Variants in RAB38 observed in about 807,000 individuals in gnomAD.
RAB38 encodes RAB38, member RAS oncogene family, also known as ras-related protein Rab-38.
In RAB38, 15 loss-of-function variants were observed where a neutral mutation model predicts 18.4. The observed-to-expected ratio is 0.82, with a 90% CI of 0.55 to 1.26. The LOEUF (loss-of-function observed/expected upper bound fraction) is 1.26, where lower values mean the gene tolerates loss of function less well. Among genes scored for constraint, RAB38 ranks in the 50% most tolerant of loss-of-function variants. The pLI is 0.00. For missense variants in RAB38, 294 were observed against 267.4 expected (o/e 1.10, Z -0.69); for synonymous variants, 101 against 104.4 (o/e 0.97, Z 0.20).
the RAB38 span, among the ~76,000 whole-genome samples, chr11:87,850,672 T>C: frequency 4.6e-5 from 7 of 151,408 alleles, no homozygotes; most frequent in East Asian, 9.7e-4. Flanking sequence ...CCAAGACTGA[T>C]TGAAGAATTA....
chr11:88,090,110 A>C, the RAB38 span, among the ~76,000 whole-genome samples: 1 of 151,972 alleles, frequency 6.6e-6, no homozygotes, highest in African/African-American at 2.4e-5. Context: ...AAGGGTCATA[A>C]AAGCCTGAAC....
chr11:88,137,933 G>C (rs979975132), intron 2 of RAB38, among the ~76,000 whole-genome samples: 2 of 152,210 alleles, frequency 1.3e-5, no homozygotes, highest in African/African-American at 4.8e-5. Flanking sequence ...TTAAACCGAG[G>C]AATCTATACC....
At chr11:88,075,157 G>A in the RAB38 span, among the ~76,000 whole-genome samples, 2 of 152,074 alleles carry the variant, frequency 1.3e-5, no homozygotes, top group Non-Finnish European at 1.5e-5. Context: ...GGACATCAAC[G>A]AAGAAACATT....
the RAB38 span, among the ~76,000 whole-genome samples, chr11:88,046,789 A>T: frequency 4.6e-5 from 7 of 152,160 alleles, no homozygotes; most frequent in African/African-American, 1.4e-4. Context: ...ACATAAACTC[A>T]CAAAAGGAAA....
At chr11:87,975,395 C>G in the RAB38 span, among the ~76,000 whole-genome samples, 1 of 151,832 alleles carries the variant, frequency 6.6e-6, no homozygotes, top group African/African-American at 2.4e-5. Context: ...GGTAACGAAG[C>G]TGAAATAATT....
At chr11:88,015,513 G>T in the RAB38 span, among the ~76,000 whole-genome samples, 2 of 152,056 alleles carry the variant, frequency 1.3e-5, no homozygotes, top group Non-Finnish European at 2.9e-5. Flanking sequence ...TGATCGATAG[G>T]TATCAGCTAC....
At chr11:87,841,573 TTC>T in the RAB38 span, among the ~76,000 whole-genome samples, 1 of 152,212 alleles carries the variant, frequency 6.6e-6, no homozygotes, top group East Asian at 1.9e-4. Flanking sequence ...AGAGTGTGTA[TTC>T]TCTGTTTATT....
chr11:88,013,807 T>C, the RAB38 span, among the ~76,000 whole-genome samples: 1 of 152,186 alleles, frequency 6.6e-6, no homozygotes, highest in East Asian at 1.9e-4. Flanking sequence ...GAAATGGCTA[T>C]TTTTCAAGGC....
At chr11:88,172,080 C>T (rs1274179324) in intron 1 of RAB38, among the ~76,000 whole-genome samples, 1 of 152,254 alleles carries the variant, frequency 6.6e-6, no homozygotes, top group Non-Finnish European at 1.5e-5. Context: ...GTGCCAGGCA[C>T]TCACAGGCCA....
At chr11:88,167,013 A>G (rs1387873044) in intron 1 of RAB38, 1 of 152,186 alleles carries the variant, frequency 6.6e-6, no homozygotes, top group East Asian at 1.9e-4. Flanking sequence ...GTTAGGACCC[A>G]GGGATACACT....
chr11:87,854,647 C>T, the RAB38 span, among the ~76,000 whole-genome samples: 1 of 151,946 alleles, frequency 6.6e-6, no homozygotes, highest in Admixed American at 6.6e-5. Flanking sequence ...CATTTTTCTA[C>T]CATGAAAAAC....
the RAB38 span, among the ~76,000 whole-genome samples, chr11:88,079,786 A>T: frequency 1.3e-5 from 2 of 151,784 alleles, no homozygotes. Flanking sequence ...ATCATAAAAA[A>T]GAAAAAAAAT....
the RAB38 span, among the ~76,000 whole-genome samples, chr11:87,864,234 A>G: frequency 1.3e-5 from 2 of 151,628 alleles, no homozygotes; most frequent in African/African-American, 2.4e-5. Flanking sequence ...CAGTCCCCTC[A>G]TTATTCCACT....
the RAB38 span, among the ~76,000 whole-genome samples, chr11:88,103,635 G>A: frequency 1.3e-5 from 2 of 152,202 alleles, no homozygotes; most frequent in South Asian, 4.1e-4. Flanking sequence ...TTGAAACTTT[G>A]GAGTTGTTCC....
chr11:88,120,188 A>G (rs1445574481), intron 2 of RAB38, among the ~76,000 whole-genome samples: 1 of 152,158 alleles, frequency 6.6e-6, no homozygotes, highest in Non-Finnish European at 1.5e-5. Context: ...ATTTCACTTA[A>G]TCACCACAAT....
the RAB38 span, among the ~76,000 whole-genome samples, chr11:88,052,913 T>TC: frequency 1.4e-3 from 26 of 18,220 alleles, 2 homozygotes; most frequent in East Asian, 5.8e-3. Flanking sequence ...TATATATATA[T>TC]ATATATATAT....
the RAB38 span, among the ~76,000 whole-genome samples, chr11:87,811,550 T>G: frequency 6.6e-6 from 1 of 152,278 alleles, no homozygotes; most frequent in South Asian, 2.1e-4. Context: ...TGCAGGGCCC[T>G]CTATTTGGAA....
chr11:87,833,287 A>G, the RAB38 span, among the ~76,000 whole-genome samples: 2 of 152,152 alleles, frequency 1.3e-5, no homozygotes. Context: ...TGAAGTAACA[A>G]TAACCTACTT....
the RAB38 span, among the ~76,000 whole-genome samples, chr11:87,933,672 A>T: frequency 9.2e-5 from 14 of 151,990 alleles, no homozygotes; most frequent in Non-Finnish European, 1.9e-4. Flanking sequence ...ATTCATACTT[A>T]AAAAGAAGCC....
Sources: allele counts gnomAD v4.1 joint callset (sites outside exome capture counted in the v4.1 genomes callset), GRCh38; gene constraint gnomAD v4.1.1; transcripts MANE v1.5; gene names NCBI Gene and HGNC (gene_info 2026-07-23, HGNC 2026-07-21).